MYO5B: variants seen among roughly 807,000 people sequenced by gnomAD.
MYO5B encodes the protein myosin VB.
In MYO5B, 143 loss-of-function variants were observed where a neutral mutation model predicts 229.3. The observed-to-expected ratio is 0.62, with a 90% confidence interval of 0.54 to 0.72. The LOEUF (loss-of-function observed/expected upper bound fraction) is 0.72, where lower values mean the gene tolerates loss of function less well. Among genes scored for constraint, MYO5B ranks in the 30% least tolerant of loss-of-function variants. MYO5B has a pLI of 0.00. For synonymous variants in MYO5B, 918 were observed against 885.2 expected, an observed-to-expected ratio of 1.04 and a Z score of -0.66; for missense variants, 2,321 against 2,331.0, an observed-to-expected ratio of 1.00 and a Z score of 0.09.
chr18:49,990,406 C>T (rs2144309670), intron 7 of MYO5B, 33 bp downstream of exon 7: 1 of 1,572,004 alleles, frequency 6.4e-7, no homozygotes, highest in Non-Finnish European at 8.8e-7. Context: ...CAGTAGCCCA[C>T]CCCAGAGGAT....
intron 4 of MYO5B, among the ~76,000 whole-genome samples, chr18:50,029,310 C>T (rs2144370561): frequency 6.6e-6 from 1 of 152,212 alleles, no homozygotes; most frequent in Admixed American, 6.5e-5. Flanking sequence ...AGTGAACAGC[C>T]CGGAGCATCC....
At position 50,087,455 on chromosome 18, in the gene MYO5B, C is replaced by A. The variant is rs547774049; in HGVS notation, c.28-32077G>T. On this transcript the variant is annotated intron_variant, in intron 1 of 39. Transcript: ENST00000285039. ...AGGTGTGGTGGCACGCGCCTGTAATCCCAGCTACTAGGGAGGGTGAGGCAG... is the reference window on the plus strand; with the variant it reads ...AGGTGTGGTGGCACGCGCCTGTAATACCAGCTACTAGGGAGGGTGAGGCAG... 6.6e-5 allele frequency among the ~76,000 whole-genome samples: 10 copies of A among 151,896 alleles called. No individual in the cohort carries two copies. In the East Asian group the frequency reaches 1.7e-3, roughly 26 times the overall value.
chr18:50,139,883 C>A (rs2032391763), intron 1 of MYO5B, among the ~76,000 whole-genome samples: 1 of 152,206 alleles, frequency 6.6e-6, no homozygotes, highest in South Asian at 2.1e-4. Context: ...AGAAACAAAT[C>A]TACCATCAGT....
intron 14 of MYO5B, among the ~76,000 whole-genome samples, chr18:49,940,411 C>G (rs556657522): frequency 6.3e-4 from 96 of 152,296 alleles, no homozygotes; most frequent in African/African-American, 2.0e-3. Context: ...TGACTTCGCA[C>G]ACTCAAAGGC....
In MYO5B at chr18:50,181,058, C is replaced by T. The variant is rs907392661; in HGVS notation, c.27+13709G>A. 3.9e-5 allele frequency among the ~76,000 whole-genome samples: 6 copies of T among 152,164 alleles called. No homozygotes were observed. In the East Asian group the frequency reaches 5.8e-4, roughly 15 times the overall value. The stretch of plus-strand genomic sequence containing the variant: ...GGGGGAAGAGAGTAAAAAGAGTATT[C>T]ACCATCCACTTTCAAAAGTGCATTT... On this transcript the variant is annotated intron_variant, in intron 1 of 39. Coordinates refer to ENST00000285039, the MANE Select transcript of MYO5B (RefSeq NM_001080467.3).
chr18:49,995,472 G>A (rs537998800), intron 5 of MYO5B, among the ~76,000 whole-genome samples: 63 of 151,704 alleles, frequency 4.2e-4, no homozygotes, highest in Non-Finnish European at 8.1e-4. Context: ...TGTTAGCCAG[G>A]ATGGTCTCGA....
intron 1 of MYO5B, among the ~76,000 whole-genome samples, chr18:50,190,600 A>G (rs1178474453): frequency 7.6e-6 from 1 of 131,776 alleles, no homozygotes; most frequent in Non-Finnish European, 1.6e-5. Context: ...CTGTTCAAAG[A>G]GAAGTGCCCT....
At chr18:50,174,755 CAT>C (rs2032972060) in intron 1 of MYO5B, among the ~76,000 whole-genome samples, 1 of 152,132 alleles carries the variant, frequency 6.6e-6, no homozygotes, top group Non-Finnish European at 1.5e-5. Context: ...TACTGATGCA[CAT>C]GTGTGAAGTG....
Position 49,879,079 on chromosome 18 carries a change from G to C in MYO5B, c.3142C>G (p.Gln1048Glu), listed in dbSNP as rs1352441658. 6.2e-7 allele frequency: 1 copy of C among 1,614,044 alleles called. No homozygotes were observed. Among genetic ancestry groups the C allele is most frequent in the East Asian group, 2.2e-5 (1 of 44,888 alleles). The change falls in exon 24 of 40, where the codon CAG (glutamine) becomes GAG (glutamate). Residue 1048 changes from glutamine to glutamate, a missense_variant. Physicochemically the swap from Gln to Glu is conservative, Grantham distance 29. Transcript: ENST00000285039. ...ILCQSKDEFA[Q>E]NSVKENLMKK... The stretch of plus-strand genomic sequence containing the variant: ...ATGAGATTTTCCTTCACAGAGTTCT[G>C]GGCAAATTCATCTGGAAAGCAACAC...
intron 1 of MYO5B, among the ~76,000 whole-genome samples, chr18:50,076,497 C>T (rs565873754): frequency 6.6e-6 from 1 of 152,268 alleles, no homozygotes; most frequent in South Asian, 2.1e-4. Flanking sequence ...GCCTCCCAAG[C>T]GCTTTTCAGA....
intron 13 of MYO5B, among the ~76,000 whole-genome samples, 174 bp from the exon 14 acceptor site, chr18:49,953,517 G>T (rs1381576977): frequency 1.3e-5 from 2 of 152,170 alleles, no homozygotes; most frequent in Admixed American, 6.5e-5. Context: ...TACATACAGG[G>T]AACTGAGTAT....
rs544171809 is a variant in MYO5B at position 49,831,726 on chromosome 18, A to G, written c.5394+3618T>C. On this transcript the variant is annotated intron_variant, in intron 39 of 39. Transcript: ENST00000285039. ...TCCTCAAAAAGTTAAATATAGAGTT[A>G]CCATATGACCCAGTAATTCTGCCTC... 4.4e-4 allele frequency among the ~76,000 whole-genome samples: 67 copies of G among 152,336 alleles called. No individual in the cohort carries two copies. In the Middle Eastern group the frequency reaches 0.02, roughly 46 times the overall value.
intron 3 of MYO5B, 59 bp from the exon 4 acceptor site, chr18:50,037,053 C>G: frequency 1.3e-6 from 2 of 1,599,168 alleles, no homozygotes; most frequent in South Asian, 1.1e-5. Flanking sequence ...GCATTATTAG[C>G]TCAAGGCACC....
intron 29 of MYO5B, among the ~76,000 whole-genome samples, chr18:49,862,294 G>A (rs1234756381): frequency 2.6e-5 from 4 of 152,088 alleles, no homozygotes; most frequent in Admixed American, 6.5e-5. Context: ...CACTATGCTC[G>A]GCCAGACAGC....
chr18:50,127,160 C>A (rs567331096), intron 1 of MYO5B, among the ~76,000 whole-genome samples: 2 of 152,202 alleles, frequency 1.3e-5, no homozygotes, highest in South Asian at 2.1e-4. Flanking sequence ...AGTTAGAGCC[C>A]CCTACTCTTC....
intron 22 of MYO5B, among the ~76,000 whole-genome samples, chr18:49,894,381 G>T (rs1331089530): frequency 6.6e-6 from 1 of 152,174 alleles, no homozygotes; most frequent in Non-Finnish European, 1.5e-5. Flanking sequence ...CAGTTATCTT[G>T]GCAGTGGAGC....
chr18:49,953,435 A>G, intron 13 of MYO5B, 92 bp from the exon 14 acceptor site: 2 of 1,137,810 alleles, frequency 1.8e-6, no homozygotes, highest in African/African-American at 1.5e-5. Context: ...ATTTTCTGAA[A>G]AGAGCTGTGA....
chr18:49,918,657 C>T (rs895703265), intron 17 of MYO5B, among the ~76,000 whole-genome samples: 1 of 152,188 alleles, frequency 6.6e-6, no homozygotes, highest in African/African-American at 2.4e-5. Flanking sequence ...CCTACAAGGT[C>T]TCACATGGAA....
At chr18:49,853,733 C>T in intron 30 of MYO5B, 86 bp from the exon 31 acceptor site, 1 of 1,241,292 alleles carries the variant, frequency 8.1e-7, no homozygotes, top group Non-Finnish European at 1.1e-6. Flanking sequence ...AACAGGGGAG[C>T]AGCCAAGCAC....
Sources: allele counts gnomAD v4.1 joint callset (sites outside exome capture counted in the v4.1 genomes callset), GRCh38; gene constraint gnomAD v4.1.1; transcripts MANE v1.5; gene names NCBI Gene and HGNC (gene_info 2026-07-23, HGNC 2026-07-21).